Variants in RAPGEF4 observed in about 807,000 individuals in gnomAD.
RAPGEF4 encodes the protein Rap guanine nucleotide exchange factor 4.
RAPGEF4 carries 66 observed loss-of-function variants against 147.9 expected under a neutral mutation model. The observed-to-expected ratio is 0.45, with a 90% CI of 0.37 to 0.55. The LOEUF (loss-of-function observed/expected upper bound fraction) is 0.55, where lower values mean the gene tolerates loss of function less well. Among genes scored for constraint, RAPGEF4 ranks in the 20% least tolerant of loss-of-function variants. The pLI is 0.00. For synonymous variants in RAPGEF4, 419 were observed against 442.7 expected (o/e 0.95, Z 0.67); for missense variants, 1,071 against 1,257.3 (o/e 0.85, Z 2.24).
intron 3 of RAPGEF4, among the ~76,000 whole-genome samples, chr2:172,802,938 T>A (rs1687121387): frequency 6.6e-6 from 1 of 152,230 alleles, no homozygotes. Flanking sequence ...CCTTTGACTC[T>A]ATGTCTCATA....
chr2:172,754,613 G>A (rs1049383073), intron 1 of RAPGEF4, among the ~76,000 whole-genome samples: 2 of 152,180 alleles, frequency 1.3e-5, no homozygotes, highest in African/African-American at 4.8e-5. Context: ...AAGTGCTAGG[G>A]ACCACTGGGG....
At chr2:172,962,619 G>A (rs1444783692) in intron 8 of RAPGEF4, among the ~76,000 whole-genome samples, 10 of 151,676 alleles carry the variant, frequency 6.6e-5, no homozygotes, top group Non-Finnish European at 1.2e-4. Context: ...GCTTGCATTT[G>A]GCATGAATAT....
chr2:172,916,723 C>G (rs1394829826), intron 4 of RAPGEF4, among the ~76,000 whole-genome samples: 2 of 152,176 alleles, frequency 1.3e-5, no homozygotes, highest in Non-Finnish European at 2.9e-5. Flanking sequence ...GAAGAAGGCT[C>G]TTTTGAGAAA....
chr2:172,858,359 T>A (rs1429977299), intron 4 of RAPGEF4, among the ~76,000 whole-genome samples: 2 of 152,234 alleles, frequency 1.3e-5, no homozygotes, highest in Non-Finnish European at 2.9e-5. Flanking sequence ...TGTAGAGTAG[T>A]AAAATCTTGT....
rs1575484772 is a variant in RAPGEF4 at position 173,001,177 on chromosome 2, A to G, written c.1580-89A>G. 5 of 1,572,356 alleles carry G rather than the reference A, an allele frequency of 3.2e-6. No homozygotes were observed. In the South Asian group the frequency reaches 3.5e-5, roughly 11 times the overall value. ...GCCCCAAACCAATGTGTTAGAACCAATGACTAAGAACAAGTGAATGGATAC... is the reference window on the plus strand; with the variant it reads ...GCCCCAAACCAATGTGTTAGAACCAGTGACTAAGAACAAGTGAATGGATAC... On this transcript the variant is annotated intron_variant, in intron 16 of 30. Transcript: ENST00000397081.
At chr2:172,924,665 A>G (rs189398408) in intron 6 of RAPGEF4, among the ~76,000 whole-genome samples, 1 of 152,386 alleles carries the variant, frequency 6.6e-6, no homozygotes, top group East Asian at 1.9e-4. Context: ...CGCTAGAAAG[A>G]TAAAAAGAAG....
chr2:172,993,006 A>T (rs1341196277), intron 15 of RAPGEF4, among the ~76,000 whole-genome samples: 3 of 152,224 alleles, frequency 2.0e-5, no homozygotes, highest in Non-Finnish European at 4.4e-5. Context: ...CTTAAAATTT[A>T]GGAAGCTGTA....
Position 173,030,679 on chromosome 2 carries a change from T to C in RAPGEF4, c.2649+425T>C, listed in dbSNP as rs189545927. Among the ~76,000 whole-genome samples, 125 of 152,290 alleles carry C rather than the reference T, an allele frequency of 8.2e-4. 1 individual carries two copies. The highest frequency in any genetic ancestry group is 1.1e-3 in the Non-Finnish European group (72 of 68,026). On this transcript the variant is annotated intron_variant, in intron 26 of 30. Transcript: ENST00000397081. ...AGATCCATTTTTATCCAAGTACTCATTTTGCTTCTGGAAGGAAGAGCCAGG... is the reference window on the plus strand; with the variant it reads ...AGATCCATTTTTATCCAAGTACTCACTTTGCTTCTGGAAGGAAGAGCCAGG...
At chr2:173,022,325 C>T (rs3754750) in intron 23 of RAPGEF4, among the ~76,000 whole-genome samples, 111,272 of 152,194 alleles carry the variant, frequency 0.73, 43,297 homozygotes, top group East Asian at 0.88. Context: ...AGTCCTTGCT[C>T]GTCCTCTGTT....
chr2:172,799,038 T>A (rs147158816), intron 3 of RAPGEF4, among the ~76,000 whole-genome samples: 15 of 152,172 alleles, frequency 9.9e-5, no homozygotes, highest in African/African-American at 3.4e-4. Context: ...AGGTGAGAGG[T>A]GGGTTTTGAT....
chr2:172,873,594 G>C (rs1341609136), intron 4 of RAPGEF4, among the ~76,000 whole-genome samples: 1 of 152,084 alleles, frequency 6.6e-6, no homozygotes, highest in Non-Finnish European at 1.5e-5. Context: ...CCTTGTTGTT[G>C]CCGTTGACTT....
At chr2:172,786,447 GT>G (rs1389089018) in intron 1 of RAPGEF4, among the ~76,000 whole-genome samples, 1 of 152,150 alleles carries the variant, frequency 6.6e-6, no homozygotes, top group Non-Finnish European at 1.5e-5. Context: ...AAGCAGTATA[GT>G]TTACTGAGTG....
At chr2:172,982,850 GT>G (rs1400229209) in intron 10 of RAPGEF4, among the ~76,000 whole-genome samples, 2 of 152,170 alleles carry the variant, frequency 1.3e-5, no homozygotes, top group African/African-American at 4.8e-5. Flanking sequence ...TGTAACAAGA[GT>G]TTGGGAATGT....
At chr2:173,020,445 G>C (rs1284807791) in intron 22 of RAPGEF4, among the ~76,000 whole-genome samples, 173 bp from the exon 23 acceptor site, 1 of 152,194 alleles carries the variant, frequency 6.6e-6, no homozygotes, top group Non-Finnish European at 1.5e-5. Flanking sequence ...GTGGCGCAGG[G>C]CTGCATGAAT....
chr2:172,949,410 C>G (rs375582675), intron 6 of RAPGEF4, among the ~76,000 whole-genome samples: 1 of 152,268 alleles, frequency 6.6e-6, no homozygotes, highest in African/African-American at 2.4e-5. Flanking sequence ...AGGGTGCACT[C>G]AGGATATGAC....
intron 4 of RAPGEF4, among the ~76,000 whole-genome samples, chr2:172,827,172 G>A (rs1233315983): frequency 2.0e-5 from 3 of 152,092 alleles, no homozygotes; most frequent in African/African-American, 7.2e-5. Flanking sequence ...AGCCTTCGGT[G>A]AATTCCTGAT....
intron 4 of RAPGEF4, among the ~76,000 whole-genome samples, chr2:172,826,527 A>G (rs1257578279): frequency 6.6e-6 from 1 of 152,254 alleles, no homozygotes; most frequent in African/African-American, 2.4e-5. Flanking sequence ...AACTTTCACT[A>G]TATACAATTC....
chr2:172,860,054 G>C lies in RAPGEF4; in HGVS notation c.444+45629G>C, dbSNP rs984235384. 2.1e-5 allele frequency: 21 copies of C among 985,282 alleles called. No individual in the cohort carries two copies. The African/African-American group carries it at 3.5e-4, about 16-fold the overall frequency. 61.0% of individuals were successfully genotyped at this position (985,282 alleles called of 1,614,324 possible). A position where few individuals can be genotyped will look rare whatever the true frequency, so the allele number is the denominator to read the frequency against. On this transcript the variant is annotated intron_variant, in intron 4 of 30. Transcript: ENST00000397081. ...TGGCTCTTTAATTTAGATTACCAAT[G>C]ATAAAGCCGGGGCTACGGCTAAAGA...
intron 4 of RAPGEF4, among the ~76,000 whole-genome samples, chr2:172,916,495 G>T (rs1352875452): frequency 6.6e-6 from 1 of 152,094 alleles, no homozygotes; most frequent in Admixed American, 6.6e-5. Flanking sequence ...AGAGTAGATG[G>T]TGTCTCATAA....
Sources: gnomAD v4.1 joint callset for allele counts (sites outside exome capture counted in the v4.1 genomes callset) on GRCh38, gnomAD v4.1.1 for gene constraint, MANE v1.5 for transcripts, NCBI Gene and HGNC (gene_info 2026-07-23, HGNC 2026-07-21) for gene names.